The following PLCH2 variants were observed in gnomAD, a reference collection of about 807,000 sequenced individuals.
PLCH2 encodes the protein phospholipase C eta 2, also known as 1-phosphatidylinositol 4,5-bisphosphate phosphodiesterase eta-2.
PLCH2 carries 98 observed loss-of-function variants against 134.7 expected under a neutral mutation model. The ratio of observed to expected loss-of-function variants is 0.73; its 90% CI spans 0.62 to 0.86. The LOEUF (loss-of-function observed/expected upper bound fraction) is 0.86, where lower values mean the gene tolerates loss of function less well. Among genes scored for constraint, PLCH2 ranks in the 40% least tolerant of loss-of-function variants. The pLI, the probability that PLCH2 is intolerant of heterozygous loss-of-function variation, is 0.00. For synonymous variants in PLCH2, 974 were observed against 827.5 expected, an observed-to-expected ratio of 1.18 and a Z score of -3.04; for missense variants, 1,994 against 1,986.6, an observed-to-expected ratio of 1.00 and a Z score of -0.07.
intron 1 of PLCH2, among the ~76,000 whole-genome samples, chr1:2,426,740 G>A (rs897308153): frequency 3.3e-5 from 5 of 152,186 alleles, no homozygotes; most frequent in African/African-American, 7.2e-5. Flanking sequence ...CCTCAGCCTC[G>A]CACTTCCTGA....
rs775473739 is a variant in PLCH2, at chr1:2,489,635, T to G, written c.1408-125T>G. 2.2e-4 allele frequency: 181 copies of G among 814,404 alleles called. 2 individuals are homozygous for G. The highest frequency in any genetic ancestry group is 1.2e-4 in the Non-Finnish European group (58 of 496,446). The allele number at this position is 814,404 out of a possible 1,614,324, so 50.4% of individuals were successfully genotyped here. A position where few individuals can be genotyped will look rare whatever the true frequency, so the allele number is the denominator to read the frequency against. On this transcript the variant is annotated intron_variant, in intron 9 of 21. Coordinates refer to ENST00000378486, the MANE Select transcript of PLCH2 (RefSeq NM_014638.4). ...GCCAGTCTGGCCCCTGCCCCATGGC[T>G]GAGATGCCAAAACTGAGCTTGAGAA... is the stretch of plus-strand genomic sequence containing the variant.
Position 2,505,061 on chromosome 1 carries a change from G to T in PLCH2, c.4099G>T (p.Gly1367Cys). The T allele has an allele frequency of 6.5e-7, 1 of 1,539,308 alleles. No homozygotes were observed. The highest frequency in any genetic ancestry group is 1.2e-5 in the South Asian group (1 of 84,374). The change falls in exon 22 of 22, where the codon GGC becomes TGC. Residue 1367 changes from glycine (G) to cysteine (C), a missense_variant. Transcript: ENST00000378486. ...QERQQRLQGL[G>C]RQGPPEEERG... ...GCGGCAGCAGAGACTGCAGGGCCTG[G>T]GCCGGCAGGGACCCCCAGAAGAGGA...
intron 5 of PLCH2, among the ~76,000 whole-genome samples, 193 bp downstream of exon 5, chr1:2,484,811 C>T (rs1217638388): frequency 6.6e-6 from 1 of 152,150 alleles, no homozygotes; most frequent in Non-Finnish European, 1.5e-5. Context: ...CACAGCCTGG[C>T]ATTTGAGAGC....
At chr1:2,446,782 T>C (rs988778408) in intron 2 of PLCH2, among the ~76,000 whole-genome samples, 1 of 152,064 alleles carries the variant, frequency 6.6e-6, no homozygotes, top group African/African-American at 2.4e-5. Flanking sequence ...GGTCGGGGCC[T>C]GCAGAGGGGT....
At chr1:2,419,488 G>T in the PLCH2 span, among the ~76,000 whole-genome samples, 1 of 152,134 alleles carries the variant, frequency 6.6e-6, no homozygotes, top group Non-Finnish European at 1.5e-5. Context: ...TTGGTCGGGG[G>T]GGTTTTCCAC....
At chr1:2,417,899 T>C in the PLCH2 span, among the ~76,000 whole-genome samples, 2 of 152,220 alleles carry the variant, frequency 1.3e-5, no homozygotes, top group Non-Finnish European at 2.9e-5. Flanking sequence ...TAGAGGCCCC[T>C]GCCTCCCGGG....
the PLCH2 span, among the ~76,000 whole-genome samples, chr1:2,419,626 T>G: frequency 2.0e-5 from 3 of 151,998 alleles, no homozygotes; most frequent in African/African-American, 7.3e-5. Context: ...CCCCACCACC[T>G]CACTGGCTCT....
chr1:2,489,049 C>T (rs537147931), intron 8 of PLCH2, among the ~76,000 whole-genome samples, 158 bp from the exon 9 acceptor site: 1 of 152,288 alleles, frequency 6.6e-6, no homozygotes, highest in East Asian at 1.9e-4. Flanking sequence ...ACGGGTGGGC[C>T]ACCTCCCAGA....
chr1:2,498,305 G>A lies in PLCH2; in HGVS notation c.2225-218G>A. The A allele has an allele frequency of 3.5e-6, 2 of 573,114 alleles. No homozygotes were observed. The highest frequency in any genetic ancestry group is 6.2e-6 in the Non-Finnish European group (2 of 323,784). The allele number at this position is 573,114 out of a possible 1,614,324, so 35.5% of individuals were successfully genotyped here. On this transcript the variant is annotated intron_variant, in intron 16 of 21. Transcript: ENST00000378486. This position sits in a 1 kb window ranked among gnomAD's most constrained non-coding sequence, Gnocchi z 5.4. ...CTCGGCTCAGCTGTGGGAGGCATGG[G>A]CTCTGTCCCACATGCTGCGGTAGCC...
upstream of PLCH2, among the ~76,000 whole-genome samples, chr1:2,422,162 G>A (rs773464067): frequency 4.0e-5 from 6 of 151,682 alleles, no homozygotes; most frequent in Non-Finnish European, 7.4e-5. Context: ...TTAGCTACTC[G>A]GGAGGCTGAG....
intron 2 of PLCH2, among the ~76,000 whole-genome samples, chr1:2,431,640 C>A (rs776693477): frequency 9.2e-5 from 14 of 152,116 alleles, no homozygotes; most frequent in Non-Finnish European, 1.6e-4. Context: ...GAGGAGCCAG[C>A]GGTCCTATAT....
At position 2,484,628 on chromosome 1, in the gene PLCH2, C is replaced by G. The variant is rs748491092; in HGVS notation, c.816+10C>G. 1.9e-6 allele frequency: 3 copies of G among 1,609,162 alleles called. No individual in the cohort carries two copies. In the South Asian group the frequency reaches 3.3e-5, roughly 18 times the overall value. On this transcript the variant is annotated intron_variant, in intron 5 of 21. Transcript: ENST00000378486. ...GCAGGTGGAGCAGAAGGTGTGCTGC[C>G]CGGGGCAGGTGTTGGGGGGCCAGCC... is the stretch of plus-strand genomic sequence containing the variant.
At chr1:2,499,604 T>G in intron 19 of PLCH2, 37 bp from the exon 20 acceptor site, 1 of 1,489,454 alleles carries the variant, frequency 6.7e-7, no homozygotes, top group Non-Finnish European at 9.2e-7. Context: ...CCTGGGAGGC[T>G]GTGACCTCAT....
Position 2,498,840 on chromosome 1 carries a change from C to T in PLCH2, c.2434+12C>T. On this transcript the variant is annotated intron_variant, in intron 18 of 21. Coordinates refer to ENST00000378486, the MANE Select transcript of PLCH2 (RefSeq NM_014638.4). This position sits in a 1 kb window ranked among gnomAD's most constrained non-coding sequence, Gnocchi z 5.4. The stretch of plus-strand genomic sequence containing the variant: ...GGTGGACGACAACGGTGAGGCTGGG[C>T]CGTGGCTCCGTCACACCTGTGATGG... The T allele has an allele frequency of 6.3e-7, 1 of 1,592,658 alleles. No individual in the cohort carries two copies. Among genetic ancestry groups the T allele is most frequent in the Non-Finnish European group, 8.6e-7 (1 of 1,164,506 alleles).
chr1:2,464,073 G>A (rs1365506226), upstream of PLCH2, among the ~76,000 whole-genome samples: 1 of 152,228 alleles, frequency 6.6e-6, no homozygotes, highest in Non-Finnish European at 1.5e-5. Context: ...GGGATCGCTC[G>A]GCAGCTGGTT....
rs1313901580 is a variant in PLCH2 at position 2,479,776 on chromosome 1, C to T, written c.314C>T (p.Ser105Leu). Residue 105 changes from serine to leucine, a missense_variant, in exon 3 of 22, where the codon TCG becomes TTG. By Grantham distance (145) the Ser-to-Leu change is moderately radical. This residue lies in a region of PLCH2 where 1,094 missense variants were observed against 1,234.3 expected (regional missense o/e 0.89). Transcript: ENST00000378486. ...SIQEVSEGRQ[S>L]EVFQRYPDGS... ...CAGGAGGTGAGTGAGGGGCGGCAGT[C>T]GGAGGTCTTCCAGCGCTACCCTGAC... is the stretch of plus-strand genomic sequence containing the variant. 11 of 1,558,374 alleles carry T rather than the reference C, an allele frequency of 7.1e-6. No individual in the cohort carries two copies. The highest frequency in any genetic ancestry group is 2.4e-5 in the East Asian group (1 of 41,420).
chr1:2,471,623 G>A (rs1369656478), upstream of PLCH2, among the ~76,000 whole-genome samples: 12 of 152,204 alleles, frequency 7.9e-5, no homozygotes, highest in African/African-American at 2.9e-4. Context: ...GGGCCACCAG[G>A]GGAGCATGAG....
rs929880885 is a variant in PLCH2, at chr1:2,498,982, C to A, written c.2435-102C>A. 2.2e-5 allele frequency: 32 copies of A among 1,448,636 alleles called. 1 individual carries two copies. The South Asian group carries it at 2.8e-4, about 13-fold the overall frequency. The allele number at this position is 1,448,636 out of a possible 1,614,324, so 89.7% of individuals were successfully genotyped here. ...AGGTGGGCAGTCCCGGAAGCAGCAC[C>A]GGGAGTGGCACTGGGAGTGGTGTGG... On this transcript the variant is annotated intron_variant, in intron 18 of 21. Coordinates refer to ENST00000378486, the MANE Select transcript of PLCH2 (RefSeq NM_014638.4). This position sits in a 1 kb window ranked among gnomAD's most constrained non-coding sequence, Gnocchi z 5.4.
chr1:2,498,777 G>A lies in PLCH2; in HGVS notation c.2383G>A (p.Gly795Arg). The A allele has an allele frequency of 6.2e-7, 1 of 1,611,420 alleles. No individual in the cohort carries two copies. The highest frequency in any genetic ancestry group is 8.5e-7 in the Non-Finnish European group (1 of 1,179,220). ...CCCCTTTGTGGAGGTGGAGATCATT[G>A]GGCTCCCTGTGGACTGCAGCAGGGA... ...IDPFVEVEII[G>R]LPVDCSREQT... Residue 795 changes from glycine (G) to arginine (R), a missense_variant, in exon 18 of 22, where the codon GGG becomes AGG. Coordinates refer to ENST00000378486, the MANE Select transcript of PLCH2 (RefSeq NM_014638.4). The surrounding 1 kb of genome is among the most constrained non-coding windows in gnomAD (Gnocchi z 5.4).
Sources: allele counts gnomAD v4.1 joint callset (sites outside exome capture counted in the v4.1 genomes callset), GRCh38; gene constraint gnomAD v4.1.1; regional missense constraint gnomAD v4.1.1; non-coding constraint Gnocchi (gnomAD v3.1); transcripts MANE v1.5; gene names NCBI Gene and HGNC (gene_info 2026-07-23, HGNC 2026-07-21).